Variants in EIF2AK3 observed in about 807,000 individuals in gnomAD.
EIF2AK3 encodes eukaryotic translation initiation factor 2-alpha kinase 3.
In EIF2AK3, 50 loss-of-function variants were observed where a neutral mutation model predicts 113.5. That is an observed-to-expected ratio of 0.44 (90% confidence interval 0.35 to 0.56). The LOEUF (loss-of-function observed/expected upper bound fraction) is 0.56, where lower values mean the gene tolerates loss of function less well. Ranked by LOEUF, EIF2AK3 falls within the 20% of genes least tolerant of loss-of-function variation. The pLI is 0.00. For missense variants in EIF2AK3, 1,185 were observed against 1,378.0 expected (o/e 0.86, Z 2.22); for synonymous variants, 448 against 495.4 (o/e 0.90, Z 1.27).
At chr2:88,593,795 A>T (rs1438258241) in intron 3 of EIF2AK3, 3 of 687,828 alleles carry the variant, frequency 4.4e-6, no homozygotes, top group African/African-American at 3.9e-5. Context: ...TTTGGTTTTT[A>T]AAAATTTGAA....
intron 16 of EIF2AK3, 44 bp from the exon 17 acceptor site, chr2:88,557,980 A>T (rs771437394): frequency 2.5e-6 from 4 of 1,581,182 alleles, no homozygotes; most frequent in Non-Finnish European, 3.5e-6. Flanking sequence ...GCCAGGTTTG[A>T]TCACTGTACA....
Position 88,593,304 on chromosome 2 carries a change from A to G in EIF2AK3, c.735T>C (p.Val245=). 1 of 1,614,104 alleles carries G rather than the reference A, an allele frequency of 6.2e-7. No homozygotes were observed. Among genetic ancestry groups the G allele is most frequent in the Non-Finnish European group, 8.5e-7 (1 of 1,179,988 alleles). ...TGCCACTGCGAGGTCCGACAGCTCT[A>G]ACAGTTTTTTGGGTACGCTGTAGAA... is the stretch of plus-strand genomic sequence containing the variant. ...ILLLQRTQKT[V]RAVGPRSGNE... is the part of the protein sequence containing the mutation. The change falls in exon 4 of 17, where the codon GTT becomes GTC. Residue 245 remains valine (V), a synonymous_variant. Transcript: ENST00000303236.
At chr2:88,614,274 C>T (rs906233752) in intron 1 of EIF2AK3, among the ~76,000 whole-genome samples, 2 of 152,144 alleles carry the variant, frequency 1.3e-5, no homozygotes, top group African/African-American at 2.4e-5. Flanking sequence ...TTTTTTCTCC[C>T]ATAACCCTTG....
intron 2 of EIF2AK3, among the ~76,000 whole-genome samples, chr2:88,608,696 A>C (rs994794795): frequency 1.8e-5 from 2 of 112,818 alleles, no homozygotes; most frequent in African/African-American, 3.2e-5. Context: ...GCAGTTTTTG[A>C]TTTCTTTTTT....
chr2:88,607,321 A>T (rs1246964271), intron 2 of EIF2AK3, among the ~76,000 whole-genome samples: 1 of 152,220 alleles, frequency 6.6e-6, no homozygotes, highest in Admixed American at 6.5e-5. Context: ...GAGGAAAGCA[A>T]ATCAGATTTC....
chr2:88,558,162 T>C (rs187164681), intron 16 of EIF2AK3, among the ~76,000 whole-genome samples: 1 of 152,260 alleles, frequency 6.6e-6, no homozygotes, highest in Admixed American at 6.5e-5. Flanking sequence ...AGAACTTTAT[T>C]ATAAAAATAG....
intron 2 of EIF2AK3, among the ~76,000 whole-genome samples, chr2:88,606,162 G>A (rs1675267022): frequency 6.6e-6 from 1 of 151,764 alleles, no homozygotes. Flanking sequence ...ATGCCTCAAG[G>A]GAAACTACCA....
chr2:88,606,631 A>G (rs1675286177), intron 2 of EIF2AK3, among the ~76,000 whole-genome samples: 1 of 152,204 alleles, frequency 6.6e-6, no homozygotes, highest in African/African-American at 2.4e-5. Flanking sequence ...CAGTAAAAGT[A>G]AGAGAAGCTT....
chr2:88,612,833 A>G (rs1232675034), intron 2 of EIF2AK3, among the ~76,000 whole-genome samples: 2 of 152,204 alleles, frequency 1.3e-5, no homozygotes, highest in Admixed American at 1.3e-4. Flanking sequence ...GACTGATGAC[A>G]AAAGAGAAAA....
intron 2 of EIF2AK3, among the ~76,000 whole-genome samples, chr2:88,604,549 T>G (rs965162115): frequency 6.6e-6 from 1 of 152,202 alleles, no homozygotes; most frequent in Non-Finnish European, 1.5e-5. Context: ...AATTGCATTA[T>G]TTGTACTATA....
At chr2:88,573,389 T>C (rs1674369217) in intron 13 of EIF2AK3, among the ~76,000 whole-genome samples, 1 of 152,220 alleles carries the variant, frequency 6.6e-6, no homozygotes. Flanking sequence ...CAAGTTGGCA[T>C]TTGTGTGTAC....
At chr2:88,558,828 T>C in intron 16 of EIF2AK3, 89 bp downstream of exon 16, 2 of 1,100,402 alleles carry the variant, frequency 1.8e-6, no homozygotes, top group Middle Eastern at 2.0e-4. Flanking sequence ...TCCTCATCTG[T>C]AAAATAGGGG....
chr2:88,569,102 G>A (rs1179990393), intron 14 of EIF2AK3, among the ~76,000 whole-genome samples: 2 of 152,168 alleles, frequency 1.3e-5, no homozygotes, highest in African/African-American at 4.8e-5. Flanking sequence ...TGTTGGCCAT[G>A]CTGGTCTCGA....
intron 16 of EIF2AK3, 55 bp downstream of exon 16, chr2:88,558,862 C>T (rs576434875): frequency 7.4e-5 from 104 of 1,402,610 alleles, no homozygotes; most frequent in Admixed American, 2.6e-4. Flanking sequence ...TGCTAAGGAC[C>T]GCTTACGTTC....
At chr2:88,600,992 T>C (rs1675135116) in intron 2 of EIF2AK3, among the ~76,000 whole-genome samples, 1 of 152,218 alleles carries the variant, frequency 6.6e-6, no homozygotes. Flanking sequence ...CCCATGTATC[T>C]ATCATCCAGT....
At chr2:88,581,512 A>G (rs1168152643) in intron 10 of EIF2AK3, among the ~76,000 whole-genome samples, 1 of 152,152 alleles carries the variant, frequency 6.6e-6, no homozygotes, top group Non-Finnish European at 1.5e-5. Flanking sequence ...TGTTTTACCC[A>G]GTAGTATCTT....
At chr2:88,567,757 C>T (rs961473401) in intron 14 of EIF2AK3, among the ~76,000 whole-genome samples, 7 of 152,224 alleles carry the variant, frequency 4.6e-5, no homozygotes, top group Non-Finnish European at 1.0e-4. Context: ...CTCTGTCCCT[C>T]ACTGGCCTAG....
chr2:88,588,693 G>T, intron 7 of EIF2AK3, 68 bp downstream of exon 7: 1 of 1,561,436 alleles, frequency 6.4e-7, no homozygotes, highest in South Asian at 1.1e-5. Context: ...TTCAAAACTA[G>T]GGCAAAGACA....
intron 1 of EIF2AK3, 100 bp from the exon 2 acceptor site, chr2:88,613,953 A>T: frequency 8.9e-7 from 1 of 1,119,838 alleles, no homozygotes; most frequent in Non-Finnish European, 1.3e-6. Context: ...CCAGGCCTCT[A>T]TTCGTAGAAA....
Sources: gnomAD v4.1 joint callset for allele counts (sites outside exome capture counted in the v4.1 genomes callset) on GRCh38, gnomAD v4.1.1 for gene constraint, MANE v1.5 for transcripts, NCBI Gene and HGNC (gene_info 2026-07-23, HGNC 2026-07-21) for gene names.